The following TENM3 variants were observed in gnomAD, a reference collection of about 807,000 sequenced individuals.
TENM3 encodes teneurin transmembrane protein 3, also known as teneurin-3.
In TENM3, 63 loss-of-function variants were observed where a neutral mutation model predicts 255.1. The ratio of observed to expected loss-of-function variants is 0.25; its 90% CI spans 0.20 to 0.30. The LOEUF is 0.30. Ranked by LOEUF, TENM3 falls within the 10% of genes least tolerant of loss-of-function variation. The pLI is 1.00. For synonymous variants in TENM3, 1,306 were observed against 1,322.3 expected (o/e 0.99, Z 0.27); for missense variants, 2,929 against 3,461.1 (o/e 0.85, Z 3.86).
chr4:182,497,219 A>G (rs1399347744), intron 3 of TENM3, among the ~76,000 whole-genome samples: 1 of 149,540 alleles, frequency 6.7e-6, no homozygotes, highest in Non-Finnish European at 1.5e-5. Context: ...TGCCCGGCCA[A>G]TTTTTTTTTT....
At chr4:182,146,848 A>G (rs1055743152) in intron 1 of TENM3, among the ~76,000 whole-genome samples, 3 of 152,216 alleles carry the variant, frequency 2.0e-5, no homozygotes, top group Non-Finnish European at 4.4e-5. Flanking sequence ...GTGACTAGTT[A>G]TTCCTCCAAA....
intron 3 of TENM3, among the ~76,000 whole-genome samples, chr4:182,548,343 T>C (rs1384778137): frequency 1.3e-5 from 2 of 152,180 alleles, no homozygotes; most frequent in African/African-American, 4.8e-5. Flanking sequence ...AAATATGAGC[T>C]GCCTTGAGTT....
intron 1 of TENM3, among the ~76,000 whole-genome samples, chr4:182,290,859 C>T (rs1761078075): frequency 1.3e-5 from 2 of 150,826 alleles, no homozygotes; most frequent in African/African-American, 2.4e-5. Context: ...CTTGCTTTGT[C>T]GCCCAGGCAG....
intron 1 of TENM3, among the ~76,000 whole-genome samples, chr4:182,174,457 CTCT>C (rs1363302924): frequency 4.4e-4 from 41 of 92,160 alleles, no homozygotes; most frequent in African/African-American, 1.7e-3. Context: ...TTTTTTTTTT[CTCT>C]TCTTCTGATT....
At chr4:182,320,061 T>TGA (rs1347010874) in intron 1 of TENM3, among the ~76,000 whole-genome samples, 1 of 151,760 alleles carries the variant, frequency 6.6e-6, no homozygotes, top group African/African-American at 2.4e-5. Context: ...TGCAGTGAGC[T>TGA]GAGATTGCAC....
chr4:181,848,795 G>A, the TENM3 span, among the ~76,000 whole-genome samples: 2 of 152,120 alleles, frequency 1.3e-5, no homozygotes, highest in African/African-American at 4.8e-5. Context: ...TGATGAATCA[G>A]GCTCAGCCCA....
At position 182,228,358 on chromosome 4, in the gene TENM3, ATGTGTG is replaced by A. The variant is rs141968345; in HGVS notation, c.-76+83634_-76+83639del. On this transcript the variant is annotated intron_variant, in intron 1 of 2. Coordinates refer to the TENM3 transcript ENST00000512480. ...CCTTAAATATATATAATGTAATGTA[ATGTGTG>A]TGTGTGTGTGTGTGTGTGTGTGTGT... Among the ~76,000 whole-genome samples the A allele has an allele frequency of 1.6e-3, 171 of 108,854 alleles. 6 individuals carry two copies. The highest frequency in any genetic ancestry group is 1.9e-3 in the Non-Finnish European group (99 of 51,292). The allele number at this position is 108,854 out of a possible 152,430, so 71.4% of individuals were successfully genotyped here.
At chr4:182,566,432 A>G (rs1743799343) in intron 3 of TENM3, among the ~76,000 whole-genome samples, 2 of 152,214 alleles carry the variant, frequency 1.3e-5, no homozygotes, top group Non-Finnish European at 2.9e-5. Context: ...GGCATAACCC[A>G]CAGCCTAGGG....
intron 3 of TENM3, among the ~76,000 whole-genome samples, chr4:182,570,203 T>G (rs1435030107): frequency 6.6e-6 from 1 of 152,122 alleles, no homozygotes; most frequent in East Asian, 1.9e-4. Context: ...CTGAATTGAC[T>G]GATGGAGGTT....
At chr4:182,757,394 G>A (rs928483236) in intron 22 of TENM3, among the ~76,000 whole-genome samples, 4 of 151,384 alleles carry the variant, frequency 2.6e-5, no homozygotes, top group Non-Finnish European at 5.9e-5. Flanking sequence ...GAAAGTGGGG[G>A]AAACATAGAG....
chr4:182,351,092 C>CTTTTTTT (rs5864780), intron 3 of TENM3, among the ~76,000 whole-genome samples: 3 of 151,290 alleles, frequency 2.0e-5, no homozygotes, highest in African/African-American at 7.3e-5. Context: ...GAACAAAGGG[C>CTTTTTTT]TTTTTTTTAT....
chr4:182,566,322 G>A (rs1237574901), intron 3 of TENM3, among the ~76,000 whole-genome samples: 2 of 152,276 alleles, frequency 1.3e-5, no homozygotes, highest in African/African-American at 2.4e-5. Flanking sequence ...TTTGCCATGA[G>A]TTGTACATCT....
At chr4:182,403,951 G>A (rs760767884) in intron 3 of TENM3, among the ~76,000 whole-genome samples, 9 of 152,116 alleles carry the variant, frequency 5.9e-5, no homozygotes, top group African/African-American at 9.7e-5. Context: ...TGAATTCCTC[G>A]TCTCAAGAAA....
At chr4:182,666,717 T>G (rs1406117445) in intron 6 of TENM3, among the ~76,000 whole-genome samples, 1 of 151,828 alleles carries the variant, frequency 6.6e-6, no homozygotes, top group East Asian at 1.9e-4. Flanking sequence ...GACGACATGT[T>G]GAAACCCTGT....
At chr4:182,175,545 A>T (rs1752429721) in intron 1 of TENM3, among the ~76,000 whole-genome samples, 1 of 152,092 alleles carries the variant, frequency 6.6e-6, no homozygotes, top group African/African-American at 2.4e-5. Flanking sequence ...GAAAATAACT[A>T]AGAGGCGACC....
intron 1 of TENM3, among the ~76,000 whole-genome samples, chr4:182,216,482 A>G (rs1175880082): frequency 1.3e-5 from 2 of 152,212 alleles, no homozygotes; most frequent in African/African-American, 4.8e-5. Context: ...AGCAGAAATC[A>G]TCCTGATATC....
chr4:181,577,416 G>T, the TENM3 span, among the ~76,000 whole-genome samples: 1 of 151,572 alleles, frequency 6.6e-6, no homozygotes, highest in Non-Finnish European at 1.5e-5. Flanking sequence ...CTAGGTTTGA[G>T]AATTTTTCAT....
chr4:181,821,716 G>T, the TENM3 span: 1 of 152,156 alleles, frequency 6.6e-6, no homozygotes, highest in Admixed American at 6.5e-5. Flanking sequence ...TCTCTTGAGG[G>T]TCTACTATGT....
Position 182,802,474 on chromosome 4 carries a change from C to G in TENM3, c.*2123C>G, listed in dbSNP as rs1427318874. On this transcript the variant is annotated 3_prime_UTR_variant, in exon 28 of 28. Transcript: ENST00000511685. ...TGTAAGTACTTTTGGGTGAAATAGG[C>G]TCTGAGTCTAAATTCTCAGACATGT... 1 of 152,596 alleles carries G rather than the reference C, an allele frequency of 6.6e-6. No homozygotes were observed. Among genetic ancestry groups the G allele is most frequent in the East Asian group, 1.9e-4 (1 of 5,202 alleles). 9.5% of individuals were successfully genotyped at this position (152,596 alleles called of 1,614,324 possible).
Sources: gnomAD v4.1 joint callset for allele counts (sites outside exome capture counted in the v4.1 genomes callset) on GRCh38, gnomAD v4.1.1 for gene constraint, MANE v1.5 for transcripts, NCBI Gene and HGNC (gene_info 2026-07-23, HGNC 2026-07-21) for gene names.